The following PLCB1 variants were observed in gnomAD, a reference collection of about 807,000 sequenced individuals.
PLCB1 encodes the protein 1-phosphatidylinositol 4,5-bisphosphate phosphodiesterase beta-1.
In PLCB1, 46 loss-of-function variants were observed where a neutral mutation model predicts 161.8. The observed-to-expected ratio is 0.28, with a 90% confidence interval of 0.22 to 0.36. The LOEUF is 0.36. Ranked by LOEUF, PLCB1 falls within the 10% of genes least tolerant of loss-of-function variation. The pLI, the probability that PLCB1 is intolerant of heterozygous loss-of-function variation, is 1.00. For synonymous variants in PLCB1, 517 were observed against 503.7 expected (o/e 1.03, Z -0.35); for missense variants, 1,016 against 1,472.5 (o/e 0.69, Z 5.07).
chr20:8,721,734 A>C lies in PLCB1; in HGVS notation c.1514-620A>C, dbSNP rs73598301. 3.5e-3 allele frequency among the ~76,000 whole-genome samples: 533 copies of C among 152,286 alleles called. 31 individuals carry two copies. In the East Asian group the frequency reaches 0.095, roughly 27 times the overall value. On this transcript the variant is annotated intron_variant, in intron 14 of 31. Transcript: ENST00000338037. The stretch of plus-strand genomic sequence containing the variant: ...CATCAAATAAGCTTGCAGACAAATC[A>C]TAGGATAAAGTTGGCCCTTCACGAT...
At chr20:8,502,866 T>A (rs558890686) in intron 3 of PLCB1, among the ~76,000 whole-genome samples, 1 of 152,336 alleles carries the variant, frequency 6.6e-6, no homozygotes, top group East Asian at 1.9e-4. Context: ...CTCCTGTGTC[T>A]TGTGCTTTCT....
chr20:8,417,857 C>T (rs928904559), intron 3 of PLCB1, among the ~76,000 whole-genome samples: 14 of 152,342 alleles, frequency 9.2e-5, no homozygotes, highest in African/African-American at 2.6e-4. Context: ...AGGATGTCCT[C>T]TTGCAAACTG....
Position 8,883,474 on chromosome 20 carries a change from C to T in PLCB1, c.*1625C>T, listed in dbSNP as rs1988066143. The T allele has an allele frequency of 6.6e-6, 1 of 151,928 alleles. No homozygotes were observed. Among genetic ancestry groups the T allele is most frequent in the African/African-American group, 2.4e-5 (1 of 41,408 alleles). The allele number at this position is 151,928 out of a possible 1,614,324, so 9.4% of individuals were successfully genotyped here. On this transcript the variant is annotated 3_prime_UTR_variant, in exon 32 of 32. Transcript: ENST00000338037. Reference sequence around the variant, plus strand: ...GAACATTGAAGTTAAAACCCAGAAGCCAGATGCTCACAGTTTTATTTTACT... The same window carrying T: ...GAACATTGAAGTTAAAACCCAGAAGTCAGATGCTCACAGTTTTATTTTACT...
At chr20:8,135,196 C>T (rs1244228691) in intron 1 of PLCB1, among the ~76,000 whole-genome samples, 2 of 152,218 alleles carry the variant, frequency 1.3e-5, no homozygotes, top group African/African-American at 2.4e-5. Context: ...CAGTAAGCTG[C>T]ATGACTTTAG....
At chr20:8,684,252 AT>A (rs1462675175) in intron 9 of PLCB1, among the ~76,000 whole-genome samples, 2 of 147,116 alleles carry the variant, frequency 1.4e-5, no homozygotes, top group Non-Finnish European at 3.0e-5. Context: ...TTATTTATTT[AT>A]TTATTTATTT....
intron 2 of PLCB1, among the ~76,000 whole-genome samples, chr20:8,259,469 A>C (rs908085593): frequency 1.3e-5 from 2 of 152,152 alleles, no homozygotes; most frequent in African/African-American, 4.8e-5. Flanking sequence ...TATAAGAAGT[A>C]GCCAGGCATG....
chr20:8,354,277 A>G (rs1192788395), intron 2 of PLCB1, among the ~76,000 whole-genome samples: 1 of 152,130 alleles, frequency 6.6e-6, no homozygotes, highest in East Asian at 1.9e-4. Context: ...GTATTTCAAG[A>G]AAAAAACTCA....
intron 3 of PLCB1, among the ~76,000 whole-genome samples, chr20:8,477,556 TAGAA>T (rs1412558213): frequency 6.6e-6 from 1 of 152,174 alleles, no homozygotes; most frequent in Non-Finnish European, 1.5e-5. Context: ...TTTAGTAATT[TAGAA>T]AGAAAAGAGG....
At position 8,471,562 on chromosome 20, in the gene PLCB1, C is replaced by G. The variant is rs187572285; in HGVS notation, c.246+100112C>G. Among the ~76,000 whole-genome samples the G allele has an allele frequency of 2.0e-5, 3 of 152,128 alleles. No individual in the cohort carries two copies. The East Asian group carries it at 5.8e-4, about 29-fold the overall frequency. ...ATCCTGACATTTTATGAAATTAAAA[C>G]TAATATTAATTGAACAGAAATAGAA... On this transcript the variant is annotated intron_variant, in intron 3 of 31. Transcript: ENST00000338037.
chr20:8,750,492 A>G (rs1471779302), intron 23 of PLCB1, among the ~76,000 whole-genome samples: 10 of 152,192 alleles, frequency 6.6e-5, no homozygotes, highest in Admixed American at 5.9e-4. Flanking sequence ...TAAAATTTTG[A>G]TGCTTTCACT....
At chr20:8,812,828 A>G (rs1433577048) in intron 31 of PLCB1, among the ~76,000 whole-genome samples, 1 of 152,242 alleles carries the variant, frequency 6.6e-6, no homozygotes, top group Non-Finnish European at 1.5e-5. Flanking sequence ...GAAATGTTGA[A>G]GAAACCATAA....
At chr20:8,183,821 C>T (rs561802419) in intron 2 of PLCB1, among the ~76,000 whole-genome samples, 1 of 152,180 alleles carries the variant, frequency 6.6e-6, no homozygotes, top group South Asian at 2.1e-4. Flanking sequence ...AGCTTATCAG[C>T]ATTCAAAGTT....
chr20:8,548,217 C>G (rs1985631093), intron 3 of PLCB1, among the ~76,000 whole-genome samples: 1 of 144,904 alleles, frequency 6.9e-6, no homozygotes, highest in Admixed American at 6.9e-5. Context: ...TTCCTTCCTT[C>G]CTTCCTTCCT....
chr20:8,402,571 A>G (rs781373440), intron 3 of PLCB1, among the ~76,000 whole-genome samples: 1 of 151,776 alleles, frequency 6.6e-6, no homozygotes, highest in Non-Finnish European at 1.5e-5. Context: ...GTGGTGGCTC[A>G]TGTCTGTAAT....
intron 3 of PLCB1, among the ~76,000 whole-genome samples, chr20:8,387,596 A>C (rs947444006): frequency 6.6e-6 from 1 of 152,238 alleles, no homozygotes; most frequent in South Asian, 2.1e-4. Context: ...TGAAGCATAC[A>C]CATGCTTTGT....
At chr20:8,588,775 T>C (rs6055930) in intron 3 of PLCB1, among the ~76,000 whole-genome samples, 55,436 of 152,006 alleles carry the variant, frequency 0.36, 10,296 homozygotes, top group East Asian at 0.46. Flanking sequence ...AGCTACCAAG[T>C]ATGGTGTTAT....
chr20:8,393,239 G>A (rs1987663352), intron 3 of PLCB1, among the ~76,000 whole-genome samples: 1 of 152,102 alleles, frequency 6.6e-6, no homozygotes, highest in African/African-American at 2.4e-5. Context: ...AGAAGAATTT[G>A]CTCATCACTG....
intron 9 of PLCB1, among the ~76,000 whole-genome samples, chr20:8,668,382 G>T (rs1216325648): frequency 6.6e-6 from 1 of 152,162 alleles, no homozygotes; most frequent in Non-Finnish European, 1.5e-5. Context: ...GCTAGGGATA[G>T]CATTATTTTA....
chr20:8,670,044 C>A (rs962679360), intron 9 of PLCB1, among the ~76,000 whole-genome samples: 1 of 152,154 alleles, frequency 6.6e-6, no homozygotes, highest in Non-Finnish European at 1.5e-5. Flanking sequence ...TCATAAAAGG[C>A]AATGGAATTG....
Sources: gnomAD v4.1 joint callset for allele counts (sites outside exome capture counted in the v4.1 genomes callset) on GRCh38, gnomAD v4.1.1 for gene constraint, MANE v1.5 for transcripts, NCBI Gene and HGNC (gene_info 2026-07-23, HGNC 2026-07-21) for gene names.